The following PTPN4 variants were observed in gnomAD, a reference collection of about 807,000 sequenced individuals.
The protein encoded by PTPN4 is protein tyrosine phosphatase non-receptor type 4, also known as tyrosine-protein phosphatase non-receptor type 4.
Under a neutral mutation model 135.5 loss-of-function variants are expected in PTPN4, and 49 were observed. That is an observed-to-expected ratio of 0.36 (90% CI 0.29 to 0.46). The LOEUF (loss-of-function observed/expected upper bound fraction) is 0.46. Among genes scored for constraint, PTPN4 ranks in the 20% least tolerant of loss-of-function variants. The pLI, the probability that PTPN4 is intolerant of heterozygous loss-of-function variation, is 1.00. For missense variants in PTPN4, 860 were observed against 1,101.0 expected (o/e 0.78, Z 3.10); for synonymous variants, 333 against 369.9 (o/e 0.90, Z 1.14).
intron 1 of PTPN4, among the ~76,000 whole-genome samples, chr2:119,796,088 C>T (rs554378007): frequency 6.6e-5 from 10 of 152,232 alleles, no homozygotes; most frequent in African/African-American, 2.4e-4. Context: ...CCCGGCCATG[C>T]GAGGGCAGGG....
intron 18 of PTPN4, among the ~76,000 whole-genome samples, chr2:119,948,428 A>C (rs1679166661): frequency 1.3e-5 from 2 of 152,114 alleles, no homozygotes; most frequent in Admixed American, 6.5e-5. Context: ...ACTTTGCTAA[A>C]AACAAAAATT....
At chr2:119,820,557 C>A (rs1677050799) in intron 2 of PTPN4, among the ~76,000 whole-genome samples, 1 of 152,156 alleles carries the variant, frequency 6.6e-6, no homozygotes, top group Admixed American at 6.6e-5. Flanking sequence ...TGGCTCTTTG[C>A]CCAGATGCTG....
intron 1 of PTPN4, among the ~76,000 whole-genome samples, chr2:119,760,906 TA>T (rs1472947001): frequency 4.9e-5 from 7 of 143,806 alleles, no homozygotes; most frequent in African/African-American, 1.8e-4. Flanking sequence ...GAGATGTGGG[TA>T]AACAGTGATG....
At chr2:119,815,907 A>G (rs1184161125) in intron 2 of PTPN4, among the ~76,000 whole-genome samples, 2 of 152,204 alleles carry the variant, frequency 1.3e-5, no homozygotes, top group South Asian at 2.1e-4. Flanking sequence ...ATATAACTCA[A>G]TGAATTATTT....
intron 18 of PTPN4, 142 bp downstream of exon 18, chr2:119,946,716 G>A: frequency 1.5e-6 from 1 of 670,982 alleles, no homozygotes; most frequent in Non-Finnish European, 2.4e-6. Context: ...ATCTCTTTAA[G>A]TTGCTGGGAA....
At chr2:119,899,298 C>T (rs1315220622) in intron 9 of PTPN4, among the ~76,000 whole-genome samples, 2 of 152,136 alleles carry the variant, frequency 1.3e-5, no homozygotes, top group Non-Finnish European at 1.5e-5. Flanking sequence ...CTGCTCCCTA[C>T]CTGATTATCC....
intron 3 of PTPN4, among the ~76,000 whole-genome samples, chr2:119,868,670 G>C (rs1415269189): frequency 6.6e-6 from 1 of 152,210 alleles, no homozygotes; most frequent in African/African-American, 2.4e-5. Flanking sequence ...TGAGTGATCT[G>C]TGCCTTAAGG....
intron 15 of PTPN4, 124 bp from the exon 16 acceptor site, chr2:119,944,957 G>A: frequency 1.4e-6 from 1 of 718,338 alleles, no homozygotes; most frequent in Non-Finnish European, 2.1e-6. Context: ...TTAAAAAGTG[G>A]CACTTCCAAA....
chr2:119,962,107 C>T (rs1679374641), intron 23 of PTPN4, among the ~76,000 whole-genome samples: 2 of 152,042 alleles, frequency 1.3e-5, no homozygotes, highest in Non-Finnish European at 2.9e-5. Flanking sequence ...AGGATTTTTG[C>T]TGCCTCAAAA....
intron 2 of PTPN4, among the ~76,000 whole-genome samples, chr2:119,854,633 A>G (rs990063221): frequency 1.3e-5 from 2 of 152,132 alleles, no homozygotes; most frequent in Non-Finnish European, 2.9e-5. Context: ...CACCATTTGG[A>G]GTTTGATTGC....
intron 24 of PTPN4, among the ~76,000 whole-genome samples, chr2:119,963,601 C>T (rs889829976): frequency 6.6e-5 from 10 of 151,956 alleles, no homozygotes; most frequent in African/African-American, 1.5e-4. Flanking sequence ...GTCTTACTGA[C>T]GAAAAGGGAA....
intron 8 of PTPN4, among the ~76,000 whole-genome samples, chr2:119,884,643 G>A (rs1258959299): frequency 1.3e-5 from 2 of 152,098 alleles, no homozygotes; most frequent in South Asian, 2.1e-4. Context: ...TAAATTTACC[G>A]ATAATGAAAA....
intron 1 of PTPN4, among the ~76,000 whole-genome samples, chr2:119,786,011 C>T (rs975590307): frequency 2.0e-5 from 3 of 152,096 alleles, no homozygotes; most frequent in South Asian, 2.1e-4. Context: ...TTTAAAAATG[C>T]GTGCTTGGTT....
intron 26 of PTPN4, among the ~76,000 whole-genome samples, chr2:119,969,810 G>A (rs1679502698): frequency 6.6e-6 from 1 of 151,846 alleles, no homozygotes; most frequent in South Asian, 2.1e-4. Context: ...CACCCGCCTT[G>A]GCCTTCCAAA....
chr2:119,765,137 T>C (rs924910537), intron 1 of PTPN4, among the ~76,000 whole-genome samples: 3 of 152,244 alleles, frequency 2.0e-5, no homozygotes, highest in African/African-American at 7.2e-5. Context: ...ATTAAGATAC[T>C]ATATGTAAGG....
At chr2:119,851,235 C>T (rs973055458) in intron 2 of PTPN4, among the ~76,000 whole-genome samples, 6 of 152,090 alleles carry the variant, frequency 3.9e-5, no homozygotes, top group Non-Finnish European at 7.3e-5. Context: ...CCCGAGTTAC[C>T]GGCAGTGAAT....
intron 1 of PTPN4, among the ~76,000 whole-genome samples, chr2:119,760,733 C>CTTTTTTTTTTTT (rs59953430): frequency 5.4e-4 from 43 of 79,896 alleles, no homozygotes; most frequent in Middle Eastern, 0.013. Context: ...GGTAGAATTC[C>CTTTTTTTTTTTT]TTTTTTTTTT....
At chr2:119,891,951 T>C (rs1309507994) in intron 9 of PTPN4, among the ~76,000 whole-genome samples, 1 of 152,170 alleles carries the variant, frequency 6.6e-6, no homozygotes, top group East Asian at 1.9e-4. Flanking sequence ...TTCCTGAAGA[T>C]TTATCTGTGG....
chr2:119,868,780 A>G (rs1677868393), intron 3 of PTPN4, among the ~76,000 whole-genome samples: 1 of 152,218 alleles, frequency 6.6e-6, no homozygotes, highest in Non-Finnish European at 1.5e-5. Flanking sequence ...TAATATCTAT[A>G]GAAACAATGC....
Sources: gnomAD v4.1 joint callset for allele counts (sites outside exome capture counted in the v4.1 genomes callset) on GRCh38, gnomAD v4.1.1 for gene constraint, MANE v1.5 for transcripts, NCBI Gene and HGNC (gene_info 2026-07-23, HGNC 2026-07-21) for gene names.